Variants in MAOA observed in about 807,000 individuals in gnomAD.
MAOA encodes the protein amine oxidase [flavin-containing] A.
MAOA carries 6 observed loss-of-function variants against 42.0 expected under a neutral mutation model. The ratio of observed to expected loss-of-function variants is 0.14; its 90% CI spans 0.08 to 0.28. MAOA has a LOEUF of 0.28. MAOA is among the 10% of genes least tolerant of loss of function. MAOA has a pLI of 1.00. For synonymous variants in MAOA, 140 were observed against 154.0 expected, an observed-to-expected ratio of 0.91 and a Z score of 0.67; for missense variants, 262 against 422.3, an observed-to-expected ratio of 0.62 and a Z score of 3.33.
At chrX:43,727,701 G>A (rs755217231) in intron 5 of MAOA, among the ~76,000 whole-genome samples, 2 of 112,690 alleles carry the variant, frequency 1.8e-5, no homozygotes, top group East Asian at 5.6e-4. Context: ...AGAGTGTACC[G>A]TTCTTCCTGG....
At position 43,736,065 on chromosome X, in the gene MAOA, G is replaced by T. The variant is rs1167930173; in HGVS notation, c.1053-162G>T. 1.1e-4 allele frequency among the ~76,000 whole-genome samples: 12 copies of T among 109,706 alleles called. No individual in the cohort carries two copies. The Admixed American group carries it at 1.2e-3, about 11-fold the overall frequency. On this transcript the variant is annotated intron_variant, in intron 9 of 14. Transcript: ENST00000338702. ...CCTAGCAGGGGTTTTGGACACACAG[G>T]CAGACCAAAGACAATATGGCATTTG...
intron 5 of MAOA, among the ~76,000 whole-genome samples, chrX:43,717,405 A>T (rs2033752880): frequency 9.0e-6 from 1 of 111,241 alleles, no homozygotes; most frequent in African/African-American, 3.3e-5. Context: ...ACCCAGAGGA[A>T]TAGGGGAGAG....
intron 2 of MAOA, among the ~76,000 whole-genome samples, chrX:43,692,000 G>GACACACACACACAC (rs753022851): frequency 1.1e-3 from 70 of 65,014 alleles, no homozygotes; most frequent in African/African-American, 4.1e-3. Flanking sequence ...GCACTGTATA[G>GACACACACACACAC]ACACACACAC....
At chrX:43,700,496 T>C (rs1316578126) in intron 3 of MAOA, among the ~76,000 whole-genome samples, 1 of 111,819 alleles carries the variant, frequency 8.9e-6, no homozygotes, top group Non-Finnish European at 1.9e-5. Context: ...TTCACAGTGG[T>C]TGTACATGGG....
At chrX:43,696,545 C>T (rs1028701443) in intron 3 of MAOA, among the ~76,000 whole-genome samples, 2 of 111,094 alleles carry the variant, frequency 1.8e-5, no homozygotes, top group Admixed American at 9.5e-5. Context: ...CTGGCTAACA[C>T]GGTGAAACTT....
intron 2 of MAOA, among the ~76,000 whole-genome samples, chrX:43,689,225 G>A (rs147628497): frequency 0.01 from 1,139 of 111,413 alleles, 16 homozygotes; most frequent in African/African-American, 0.034. Flanking sequence ...GATCACAGGC[G>A]CTGCCACCAC....
rs183042810 is a variant in MAOA at position 43,700,326 on chromosome X, C to G, written c.306+6898C>G. ...TTCCAAAGTTAACTTGTGAACCCTT[C>G]TAGTAAACTGCTCCAAGATATGACA... On this transcript the variant is annotated intron_variant, in intron 3 of 14. Coordinates refer to ENST00000338702, the MANE Select transcript of MAOA (RefSeq NM_000240.4). 1.7e-3 allele frequency among the ~76,000 whole-genome samples: 193 copies of G among 112,117 alleles called. 1 individual carries two copies. The highest frequency in any genetic ancestry group is 1.4e-3 in the Non-Finnish European group (76 of 53,261).
chrX:43,656,568 G>A (rs909503302), intron 1 of MAOA, among the ~76,000 whole-genome samples, 154 bp downstream of exon 1: 1 of 111,252 alleles, frequency 9.0e-6, no homozygotes, highest in African/African-American at 3.3e-5. Flanking sequence ...TAGGAGTGGG[G>A]GTTGTGCCAG....
Position 43,728,279 on chromosome X carries a change from A to G in MAOA, c.610A>G (p.Thr204Ala). Residue 204 changes from threonine (T) to alanine (A), a missense_variant, in exon 6 of 15, where the codon ACC becomes GCC. Thr to Ala is a moderately conservative substitution (Grantham distance 58). This residue lies in a region of MAOA where 141 missense variants were observed against 195.6 expected (regional missense o/e 0.72). Transcript: ENST00000338702. Reference protein sequence around the residue: ...FLWYVKQCGGTTRIFSVTNGG... With the variant: ...FLWYVKQCGGATRIFSVTNGG... ...GTGGTATGTGAAGCAGTGCGGGGGC[A>G]CCACTCGGATATTCTCTGTCACCAA... 2.5e-6 allele frequency: 3 copies of G among 1,211,450 alleles called. No homozygotes were observed. Among genetic ancestry groups the G allele is most frequent in the Non-Finnish European group, 2.2e-6 (2 of 895,281 alleles).
intron 2 of MAOA, among the ~76,000 whole-genome samples, chrX:43,692,952 A>G (rs1446966327): frequency 3.6e-5 from 4 of 112,212 alleles, no homozygotes; most frequent in Non-Finnish European, 7.5e-5. Context: ...TCCTCCAGCA[A>G]TAACACCAGA....
At chrX:43,697,823 A>G (rs762702503) in intron 3 of MAOA, among the ~76,000 whole-genome samples, 1 of 111,971 alleles carries the variant, frequency 8.9e-6, no homozygotes, top group Admixed American at 9.5e-5. Context: ...TTTTATGATT[A>G]TCAGGAAACT....
chrX:43,717,264 G>A (rs771103483), intron 5 of MAOA, among the ~76,000 whole-genome samples: 2 of 111,308 alleles, frequency 1.8e-5, no homozygotes, highest in African/African-American at 3.3e-5. Flanking sequence ...TGACCCAGAG[G>A]AATAGTAGGG....
chrX:43,737,213 T>C (rs2033926380), intron 10 of MAOA, among the ~76,000 whole-genome samples: 1 of 110,669 alleles, frequency 9.0e-6, no homozygotes, highest in Non-Finnish European at 1.9e-5. Flanking sequence ...TGGTTGAATC[T>C]CAACAATCAT....
intron 5 of MAOA, among the ~76,000 whole-genome samples, chrX:43,716,702 A>G (rs2033746559): frequency 9.1e-6 from 1 of 110,185 alleles, no homozygotes; most frequent in Non-Finnish European, 1.9e-5. Context: ...CAGGGAAATA[A>G]GTTTAGGCAA....
At chrX:43,731,517 T>TA in intron 7 of MAOA, 127 bp downstream of exon 7, 1 of 909,218 alleles carries the variant, frequency 1.1e-6, no homozygotes, top group South Asian at 2.1e-5. Context: ...TCTTCCAAAT[T>TA]ACCAGCCTTG....
intron 6 of MAOA, 80 bp from the exon 7 acceptor site, chrX:43,731,161 G>T: frequency 9.8e-7 from 1 of 1,023,557 alleles, no homozygotes; most frequent in Non-Finnish European, 1.4e-6. Flanking sequence ...CTTTCTGGAG[G>T]TTTTCTAATC....
At chrX:43,695,179 G>A (rs1414503164) in intron 3 of MAOA, among the ~76,000 whole-genome samples, 2 of 111,502 alleles carry the variant, frequency 1.8e-5, no homozygotes, top group Admixed American at 9.5e-5. Context: ...GAGATGTGCT[G>A]GACCTCCAAT....
At chrX:43,692,017 A>T (rs1018707532) in intron 2 of MAOA, among the ~76,000 whole-genome samples, 1 of 56,292 alleles carries the variant, frequency 1.8e-5, no homozygotes, top group Non-Finnish European at 3.7e-5. Flanking sequence ...ACACACACAC[A>T]CACACACACA....
chrX:43,688,688 G>T (rs2033508996), intron 2 of MAOA, among the ~76,000 whole-genome samples: 1 of 111,856 alleles, frequency 8.9e-6, no homozygotes, highest in Non-Finnish European at 1.9e-5. Flanking sequence ...GCTATATGCA[G>T]TGTTTTATAT....
Sources: allele counts gnomAD v4.1 joint callset (sites outside exome capture counted in the v4.1 genomes callset), GRCh38; gene constraint gnomAD v4.1.1; regional missense constraint gnomAD v4.1.1; transcripts MANE v1.5; gene names NCBI Gene and HGNC (gene_info 2026-07-23, HGNC 2026-07-21).